The following ZFHX3 variants were observed in gnomAD, a reference collection of about 807,000 sequenced individuals.
ZFHX3 encodes the protein zinc finger homeobox protein 3.
In ZFHX3, 42 loss-of-function variants were observed where a neutral mutation model predicts 279.1. The ratio of observed to expected loss-of-function variants is 0.15; its 90% CI spans 0.12 to 0.19. The LOEUF (loss-of-function observed/expected upper bound fraction) is 0.19, where lower values mean the gene tolerates loss of function less well. ZFHX3 is among the 10% of genes least tolerant of loss of function. ZFHX3 has a pLI of 1.00. For synonymous variants in ZFHX3, 2,293 were observed against 1,957.8 expected (o/e 1.17, Z -4.52); for missense variants, 4,981 against 4,754.0 (o/e 1.05, Z -1.40).
chr16:73,823,649 T>C (rs1262828194), intron 1 of ZFHX3, among the ~76,000 whole-genome samples: 1 of 148,126 alleles, frequency 6.8e-6, no homozygotes, highest in African/African-American at 2.7e-5. Context: ...AGGGCTGCTT[T>C]GGCGCTACAA....
At chr16:73,374,316 C>A (rs972114970) in intron 3 of ZFHX3, among the ~76,000 whole-genome samples, 6 of 151,812 alleles carry the variant, frequency 4.0e-5, no homozygotes, top group African/African-American at 1.5e-4. Flanking sequence ...CATGTATTCA[C>A]TGCTTAGCTT....
At chr16:73,618,757 G>A (rs564781941) in intron 2 of ZFHX3, among the ~76,000 whole-genome samples, 1 of 152,280 alleles carries the variant, frequency 6.6e-6, no homozygotes, top group Admixed American at 6.5e-5. Flanking sequence ...CCTAAACTAA[G>A]GATGACCCCA....
intron 2 of ZFHX3, among the ~76,000 whole-genome samples, chr16:72,955,150 T>C (rs1378958330): frequency 6.6e-6 from 1 of 152,208 alleles, no homozygotes; most frequent in African/African-American, 2.4e-5. Flanking sequence ...TTTGTGGCTC[T>C]CACACCTTCT....
intron 2 of ZFHX3, among the ~76,000 whole-genome samples, chr16:73,674,674 G>A (rs1189252550): frequency 6.6e-6 from 1 of 152,182 alleles, no homozygotes; most frequent in Non-Finnish European, 1.5e-5. Context: ...GGTTGGTCAG[G>A]TGACTTCCTT....
chr16:73,795,235 C>G (rs954791413), intron 1 of ZFHX3, among the ~76,000 whole-genome samples: 5 of 152,194 alleles, frequency 3.3e-5, no homozygotes, highest in Non-Finnish European at 7.3e-5. Context: ...AAAACTCTCT[C>G]CAGACTCCAA....
chr16:73,473,495 C>T (rs750584857), intron 2 of ZFHX3, among the ~76,000 whole-genome samples: 3 of 152,040 alleles, frequency 2.0e-5, no homozygotes, highest in Non-Finnish European at 4.4e-5. Flanking sequence ...ATCTGCCCAA[C>T]GCTTGAGAGT....
chr16:73,807,868 C>T lies in ZFHX3; in HGVS notation c.-1608+83783G>A, dbSNP rs74518411. Among the ~76,000 whole-genome samples, 162 of 152,112 alleles carry T rather than the reference C, an allele frequency of 1.1e-3. 1 individual carries two copies. The East Asian group carries it at 0.029, about 27-fold the overall frequency. The stretch of plus-strand genomic sequence containing the variant: ...TCCAACATACATTTTGGACGGGCAT[C>T]GTACCAGGCCCTGTGCTAGGTTACG... On this transcript the variant is annotated intron_variant, in intron 1 of 17. Transcript: ENST00000641206.
intron 2 of ZFHX3, among the ~76,000 whole-genome samples, chr16:73,468,196 T>C (rs1453464281): frequency 6.6e-6 from 1 of 152,176 alleles, no homozygotes; most frequent in Admixed American, 6.5e-5. Context: ...TCAAGAACTC[T>C]GGTCCTTTCC....
chr16:73,344,357 T>C (rs1003910728), intron 3 of ZFHX3, among the ~76,000 whole-genome samples: 13 of 152,082 alleles, frequency 8.5e-5, no homozygotes, highest in Non-Finnish European at 1.9e-4. Flanking sequence ...TCTTCAAAAA[T>C]GTCAAGGTTA....
chr16:73,111,102 G>A (rs539612082), intron 7 of ZFHX3, among the ~76,000 whole-genome samples: 6 of 151,988 alleles, frequency 3.9e-5, no homozygotes, highest in East Asian at 1.9e-4. Context: ...CACCACGCCC[G>A]GCTAATTTTT....
chr16:73,515,332 C>T (rs937343489), intron 2 of ZFHX3, among the ~76,000 whole-genome samples: 2 of 151,970 alleles, frequency 1.3e-5, no homozygotes, highest in Non-Finnish European at 2.9e-5. Context: ...TTAAGGATGA[C>T]CAAGTCAAAT....
rs566482103 is a variant in ZFHX3, at chr16:73,004,373, GGCTGGA to G, written c.-50+43373_-50+43378del. The stretch of plus-strand genomic sequence containing the variant: ...AGATGGAGTTTCACTCTTTCACCCA[GGCTGGA>G]GCACAGTGGTGCAATCTCGGCTCAC... On this transcript the variant is annotated intron_variant, in intron 1 of 9. Coordinates refer to ENST00000268489, the MANE Select transcript of ZFHX3 (RefSeq NM_006885.4). Among the ~76,000 whole-genome samples, 113 of 124,454 alleles carry G rather than the reference GGCTGGA, an allele frequency of 9.1e-4. 2 individuals carry two copies. The South Asian group carries it at 0.028, about 30-fold the overall frequency. The allele number at this position is 124,454 out of a possible 152,430, so 81.6% of individuals were successfully genotyped here.
At chr16:73,025,028 G>A (rs1333697318) in intron 1 of ZFHX3, among the ~76,000 whole-genome samples, 11 of 152,120 alleles carry the variant, frequency 7.2e-5, no homozygotes, top group African/African-American at 2.2e-4. Context: ...TATGATCTCC[G>A]CATGTATCCA....
chr16:73,541,968 A>C (rs535145233), intron 2 of ZFHX3, among the ~76,000 whole-genome samples: 1 of 151,230 alleles, frequency 6.6e-6, no homozygotes, highest in South Asian at 2.1e-4. Flanking sequence ...TGCCTGGCTA[A>C]TTTTTGTATT....
Position 72,959,190 on chromosome 16 carries a change from T to C in ZFHX3, c.956A>G (p.Asn319Ser), listed in dbSNP as rs1343232719. The C allele has an allele frequency of 6.2e-7, 1 of 1,614,228 alleles. No individual in the cohort carries two copies. Residue 319 changes from asparagine to serine, a missense_variant, in exon 2 of 10, where the codon AAT (asparagine) becomes AGT (serine). Coordinates refer to ENST00000268489, the MANE Select transcript of ZFHX3 (RefSeq NM_006885.4). ...TTGGATGATAGCGGAGATGTTCTTA[T>C]TGCTAAGAATTTTCCGCTCGTCTTC... ...LSEDERKILS[N>S]KNISAIIQGI...
At chr16:72,792,868 C>G (rs1250191563) in intron 9 of ZFHX3, among the ~76,000 whole-genome samples, 1 of 152,188 alleles carries the variant, frequency 6.6e-6, no homozygotes, top group Non-Finnish European at 1.5e-5. Flanking sequence ...CCAGAATTAG[C>G]TAGGACTAAC....
rs534457159 is a variant in ZFHX3 at position 72,971,501 on chromosome 16, G to T, written c.-49-11307C>A. Among the ~76,000 whole-genome samples, 7 of 152,320 alleles carry T rather than the reference G, an allele frequency of 4.6e-5. No individual in the cohort carries two copies. In the South Asian group the frequency reaches 1.5e-3, roughly 32 times the overall value. On this transcript the variant is annotated intron_variant, in intron 1 of 9. Coordinates refer to ENST00000268489, the MANE Select transcript of ZFHX3 (RefSeq NM_006885.4). ...CTTGCCCAAGCTGCATGCTAGTTTA[G>T]TCGGCCTTTGAAAGTAGGTAAGCCT... is the stretch of plus-strand genomic sequence containing the variant.
chr16:73,836,830 G>A (rs1269297567), intron 1 of ZFHX3, among the ~76,000 whole-genome samples: 1 of 152,196 alleles, frequency 6.6e-6, no homozygotes, highest in Non-Finnish European at 1.5e-5. Flanking sequence ...TCTCTCTTAG[G>A]ACACTGGGTT....
chr16:73,628,155 A>G (rs1449635078), intron 2 of ZFHX3, among the ~76,000 whole-genome samples: 1 of 152,134 alleles, frequency 6.6e-6, no homozygotes, highest in African/African-American at 2.4e-5. Flanking sequence ...TCCTTCTATC[A>G]CATACCTGGG....
Sources: allele counts gnomAD v4.1 joint callset (sites outside exome capture counted in the v4.1 genomes callset), GRCh38; gene constraint gnomAD v4.1.1; transcripts MANE v1.5; gene names NCBI Gene and HGNC (gene_info 2026-07-23, HGNC 2026-07-21).